Variants in PCDHGB3 observed in about 807,000 individuals in gnomAD.
PCDHGB3 encodes protocadherin gamma-B3.
A neutral mutation model predicts 59.2 loss-of-function variants in PCDHGB3; 40 were observed. The observed-to-expected ratio is 0.68, with a 90% confidence interval of 0.52 to 0.88. The LOEUF (loss-of-function observed/expected upper bound fraction) is 0.88. Ranked by LOEUF, PCDHGB3 falls within the 40% of genes least tolerant of loss-of-function variation. The probability of loss-of-function intolerance (pLI) is 0.00; values close to 1 mark genes in which losing one functional copy is unlikely to be tolerated. For missense variants in PCDHGB3, 1,309 were observed against 1,187.9 expected (o/e 1.10, Z -1.50); for synonymous variants, 581 against 503.6 (o/e 1.15, Z -2.06).
chr5:141,385,709 A>C, intron 1 of PCDHGB3: 1 of 259,262 alleles, frequency 3.9e-6, no homozygotes, highest in Non-Finnish European at 6.2e-6. Context: ...TAGCATTCAA[A>C]TATGTAAAAG....
chr5:141,444,565 C>G (rs2098441175), intron 1 of PCDHGB3, among the ~76,000 whole-genome samples: 1 of 152,124 alleles, frequency 6.6e-6, no homozygotes, highest in Non-Finnish European at 1.5e-5. Flanking sequence ...TTATTTGACA[C>G]TTTTGACTCT....
chr5:141,380,839 A>G (rs377236135), intron 1 of PCDHGB3, among the ~76,000 whole-genome samples: 1 of 152,258 alleles, frequency 6.6e-6, no homozygotes, highest in Non-Finnish European at 1.5e-5. Context: ...CATCAGGTAA[A>G]AATGGATCAA....
chr5:141,407,868 A>AAT (rs1474357780), intron 1 of PCDHGB3, among the ~76,000 whole-genome samples: 1 of 152,242 alleles, frequency 6.6e-6, no homozygotes, highest in Admixed American at 6.5e-5. Context: ...ATTTTCGAAG[A>AAT]ATATATACAT....
chr5:141,509,273 C>T (rs1026035086), intron 3 of PCDHGB3, among the ~76,000 whole-genome samples: 1 of 152,098 alleles, frequency 6.6e-6, no homozygotes, highest in Admixed American at 6.5e-5. Flanking sequence ...CTCTCGCTAC[C>T]CGCTCCCAGG....
chr5:141,370,565 C>A lies in PCDHGB3; in HGVS notation c.171C>A (p.Gly57=). Residue 57 remains glycine, a synonymous_variant, in exon 1 of 4, where the codon GGC becomes GGA. Transcript: ENST00000576222. ...VGNLAKDLGF[G]VGDLPTRNLR... ...ACCTCGCCAAGGACCTGGGGTTTGG[C>A]GTGGGGGATTTACCTACTAGGAACC... 2.5e-6 allele frequency: 4 copies of A among 1,613,782 alleles called. No individual in the cohort carries two copies. Among genetic ancestry groups the A allele is most frequent in the African/African-American group, 1.3e-5 (1 of 74,984 alleles).
intron 1 of PCDHGB3, chr5:141,404,701 G>T (rs563319884): frequency 6.2e-7 from 1 of 1,614,074 alleles, no homozygotes; most frequent in African/African-American, 1.3e-5. Flanking sequence ...GCTCTGCAGA[G>T]CCTGGCTACC....
intron 1 of PCDHGB3, among the ~76,000 whole-genome samples, chr5:141,444,095 T>C (rs1012556994): frequency 2.0e-5 from 3 of 150,676 alleles, no homozygotes; most frequent in Admixed American, 1.3e-4. Flanking sequence ...CTGCTAAGGA[T>C]TGGAAACCAA....
Position 141,431,706 on chromosome 5 carries a change from A to T in PCDHGB3, c.2415+58897A>T. The T allele has an allele frequency of 6.2e-7, 1 of 1,614,248 alleles. No homozygotes were observed. The highest frequency in any genetic ancestry group is 8.5e-7 in the Non-Finnish European group (1 of 1,180,048). On this transcript the variant is annotated intron_variant, in intron 1 of 3. Coordinates refer to ENST00000576222, the MANE Select transcript of PCDHGB3 (RefSeq NM_018924.5). The surrounding 1 kb of genome is among the most constrained non-coding windows in gnomAD (Gnocchi z 4.8). ...GACCACGAGGAGTCAGGATTCTACC[A>T]GATGGAAGTGCAAGCAATGGATAAT...
At chr5:141,458,567 TTTTGTTTG>T (rs144471304) in intron 1 of PCDHGB3, among the ~76,000 whole-genome samples, 1 of 151,488 alleles carries the variant, frequency 6.6e-6, no homozygotes, top group Non-Finnish European at 1.5e-5. Flanking sequence ...GGTTTTGGGT[TTTTGTTTG>T]TTTGTTTGTT....
chr5:141,511,443 C>A lies in PCDHGB3; in HGVS notation c.*270C>A. On this transcript the variant is annotated 3_prime_UTR_variant, in exon 4 of 4. Coordinates refer to ENST00000576222, the MANE Select transcript of PCDHGB3 (RefSeq NM_018924.5). ...GGGGTAGTGGGGTTACTGTAGACAC[C>A]AAGAACCATTTGCCACACCCCGTTT... 1 of 670,886 alleles carries A rather than the reference C, an allele frequency of 1.5e-6. No homozygotes were observed. Among genetic ancestry groups the A allele is most frequent in the Non-Finnish European group, 2.4e-6 (1 of 421,442 alleles). 41.6% of individuals were successfully genotyped at this position (670,886 alleles called of 1,614,324 possible).
chr5:141,501,618 T>G (rs1307485559), intron 2 of PCDHGB3, among the ~76,000 whole-genome samples: 2 of 152,068 alleles, frequency 1.3e-5, no homozygotes, highest in African/African-American at 4.8e-5. Flanking sequence ...GTGACTCTGG[T>G]ATAGTCTCTC....
At chr5:141,509,758 C>T (rs574741134) in intron 3 of PCDHGB3, among the ~76,000 whole-genome samples, 17 of 152,202 alleles carry the variant, frequency 1.1e-4, no homozygotes. Flanking sequence ...CTAAAGTGTC[C>T]CTGAGATGTC....
In PCDHGB3 at chr5:141,476,065, G is replaced by T; in HGVS notation, c.2416-18742G>T. ...GCTAACCCGCTGAAAGTTTCTCAGC[G>T]AAATCTCAGGGACGATCTGGACCCC... is the stretch of plus-strand genomic sequence containing the variant. On this transcript the variant is annotated intron_variant, in intron 1 of 3. Coordinates refer to ENST00000576222, the MANE Select transcript of PCDHGB3 (RefSeq NM_018924.5). This position sits in a 1 kb window ranked among gnomAD's most constrained non-coding sequence, Gnocchi z 7.6. 6.6e-7 allele frequency: 1 copy of T among 1,511,444 alleles called. No homozygotes were observed. The highest frequency in any genetic ancestry group is 1.3e-5 in the South Asian group (1 of 76,164). The allele number at this position is 1,511,444 out of a possible 1,614,324, so 93.6% of individuals were successfully genotyped here.
In PCDHGB3 at chr5:141,404,612, G is replaced by A. The variant is rs774633321; in HGVS notation, c.2415+31803G>A. 2 of 1,614,110 alleles carry A rather than the reference G, an allele frequency of 1.2e-6. No homozygotes were observed. The highest frequency in any genetic ancestry group is 3.3e-5 in the Admixed American group (2 of 60,022). ...TGTGTCATTGAGACTGTTTGTTTTG[G>A]ACCAGAATGACAATGCCCCAGAAAT... On this transcript the variant is annotated intron_variant, in intron 1 of 3. Transcript: ENST00000576222.
At chr5:141,419,431 G>A in intron 1 of PCDHGB3, 2 of 1,613,306 alleles carry the variant, frequency 1.2e-6, no homozygotes. Context: ...ACCACGAGCA[G>A]CTGCGCACCT....
Position 141,417,750 on chromosome 5 carries a change from G to A in PCDHGB3, c.2415+44941G>A, listed in dbSNP as rs1430413607. The A allele has an allele frequency of 1.5e-5, 22 of 1,426,796 alleles. 1 individual carries two copies. In the East Asian group the frequency reaches 5.5e-4, roughly 36 times the overall value. The allele number at this position is 1,426,796 out of a possible 1,614,324, so 88.4% of individuals were successfully genotyped here. On this transcript the variant is annotated intron_variant, in intron 1 of 3. Coordinates refer to ENST00000576222, the MANE Select transcript of PCDHGB3 (RefSeq NM_018924.5). ...CCTTGCCCAGCACACCAGATTGCCA[G>A]CTCCGAGACCCGGGACTCCTCCTGT...
chr5:141,482,562 C>A (rs1030078543), intron 1 of PCDHGB3, among the ~76,000 whole-genome samples: 68 of 142,616 alleles, frequency 4.8e-4, no homozygotes, highest in African/African-American at 1.8e-3. Flanking sequence ...TAATGGAGAT[C>A]TGCATAGCAT....
At chr5:141,381,798 CTCTT>C (rs372235829) in intron 1 of PCDHGB3, among the ~76,000 whole-genome samples, 40 of 144,168 alleles carry the variant, frequency 2.8e-4, no homozygotes, top group Non-Finnish European at 4.5e-4. Context: ...AGGCAATTCC[CTCTT>C]TCTTTCTTTC....
chr5:141,466,947 A>C (rs2099132734), intron 1 of PCDHGB3, among the ~76,000 whole-genome samples: 1 of 152,126 alleles, frequency 6.6e-6, no homozygotes, highest in South Asian at 2.1e-4. Context: ...TGTCCAGTAA[A>C]CAGACTGCAA....
Sources: allele counts gnomAD v4.1 joint callset (sites outside exome capture counted in the v4.1 genomes callset), GRCh38; gene constraint gnomAD v4.1.1; non-coding constraint Gnocchi (gnomAD v3.1); transcripts MANE v1.5; gene names NCBI Gene and HGNC (gene_info 2026-07-23, HGNC 2026-07-21).